The following ALG8 variants were observed in gnomAD, a reference collection of about 807,000 sequenced individuals.
ALG8 encodes dolichyl pyrophosphate Glc1Man9GlcNAc2 alpha-1,3-glucosyltransferase.
ALG8 carries 48 observed loss-of-function variants against 70.2 expected under a neutral mutation model. That is an observed-to-expected ratio of 0.68 (90% CI 0.54 to 0.87). The LOEUF (loss-of-function observed/expected upper bound fraction) is 0.87, where lower values mean the gene tolerates loss of function less well. Among genes scored for constraint, ALG8 ranks in the 40% least tolerant of loss-of-function variants. ALG8 has a pLI of 0.00. For synonymous variants in ALG8, 234 were observed against 229.0 expected (o/e 1.02, Z -0.20); for missense variants, 572 against 608.7 (o/e 0.94, Z 0.64).
chr11:78,125,872 T>G (rs1235456011), intron 2 of ALG8, among the ~76,000 whole-genome samples: 2 of 151,820 alleles, frequency 1.3e-5, no homozygotes, highest in Non-Finnish European at 2.9e-5. Context: ...CATCAAGAAA[T>G]TTCTGGGCCG....
At chr11:78,114,031 G>A (rs775945856) in intron 6 of ALG8, 42 bp from the exon 7 acceptor site, 169 of 1,526,298 alleles carry the variant, frequency 1.1e-4, no homozygotes, top group Non-Finnish European at 1.5e-4. Context: ...AAGATGGAAA[G>A]GAACATTAAC....
At chr11:78,110,418 C>G (rs1368601100) in intron 8 of ALG8, among the ~76,000 whole-genome samples, 1 of 152,152 alleles carries the variant, frequency 6.6e-6, no homozygotes, top group Non-Finnish European at 1.5e-5. Context: ...TCTCGAGCTC[C>G]TGACTTCAGG....
chr11:78,119,149 A>T, intron 5 of ALG8, 33 bp downstream of exon 5: 1 of 1,535,330 alleles, frequency 6.5e-7, no homozygotes, highest in Non-Finnish European at 9.0e-7. Flanking sequence ...CTAATCTAAA[A>T]GGGAAAAAAT....
In ALG8 at chr11:78,112,641, C is replaced by T. The variant is rs377616618; in HGVS notation, c.898+9G>A. On this transcript the variant is annotated intron_variant, in intron 8 of 12. Transcript: ENST00000299626. ...TCAGAGTCTGAGTAAAAAATGCTCG[C>T]TACCATACCGATGACAGACAGCACT... 17 of 1,613,482 alleles carry T rather than the reference C, an allele frequency of 1.1e-5. No individual in the cohort carries two copies. The highest frequency in any genetic ancestry group is 1.4e-5 in the Non-Finnish European group (17 of 1,179,584).
intron 8 of ALG8, among the ~76,000 whole-genome samples, chr11:78,111,413 T>C (rs1305202618): frequency 6.6e-6 from 1 of 152,212 alleles, no homozygotes; most frequent in Non-Finnish European, 1.5e-5. Flanking sequence ...TGAGGAAAGT[T>C]AGACGAAAGG....
Position 78,121,681 on chromosome 11 carries a change from C to A in ALG8, c.369-507G>T, listed in dbSNP as rs11237399. On this transcript the variant is annotated intron_variant, in intron 3 of 12. Transcript: ENST00000299626. ...TAACAAAATTAAAAATAAAAAGCCACGTAAACCCCAAAGTAAGGATTTTGA... is the reference window on the plus strand; with the variant it reads ...TAACAAAATTAAAAATAAAAAGCCAAGTAAACCCCAAAGTAAGGATTTTGA... Among the ~76,000 whole-genome samples, 401 of 152,012 alleles carry A rather than the reference C, an allele frequency of 2.6e-3. 2 individuals carry two copies. Among genetic ancestry groups the A allele is most frequent in the African/African-American group, 8.9e-3 (371 of 41,494 alleles).
At chr11:78,116,709 G>A (rs768066037) in intron 5 of ALG8, among the ~76,000 whole-genome samples, 1 of 152,058 alleles carries the variant, frequency 6.6e-6, no homozygotes, top group African/African-American at 2.4e-5. Context: ...GACACAGCAT[G>A]ACGTTGTCTT....
At chr11:78,104,219 T>G in intron 11 of ALG8, 137 bp downstream of exon 11, 1 of 986,456 alleles carries the variant, frequency 1.0e-6, no homozygotes, top group Non-Finnish European at 1.5e-6. Context: ...TACAGGAAAT[T>G]GGAGGTTTTA....
At chr11:78,136,477 C>A (rs955710366) in intron 1 of ALG8, among the ~76,000 whole-genome samples, 1 of 152,072 alleles carries the variant, frequency 6.6e-6, no homozygotes, top group African/African-American at 2.4e-5. Flanking sequence ...ATTAAGGCTG[C>A]AGTGAGCCAT....
chr11:78,126,308 A>C lies in ALG8; in HGVS notation c.174+1050T>G, dbSNP rs188626473. The stretch of plus-strand genomic sequence containing the variant: ...CAGTTTGGGAGGCCAAGGTGGGTGG[A>C]TCACCTGAGGTCCGGAGTTCGAGAC... On this transcript the variant is annotated intron_variant, in intron 2 of 12. Transcript: ENST00000299626. 1.7e-3 allele frequency among the ~76,000 whole-genome samples: 258 copies of C among 152,284 alleles called. 1 individual carries two copies. The highest frequency in any genetic ancestry group is 5.9e-3 in the African/African-American group (244 of 41,570).
chr11:78,123,905 T>C (rs893931223), intron 3 of ALG8, 116 bp downstream of exon 3: 1 of 1,157,256 alleles, frequency 8.6e-7, no homozygotes, highest in East Asian at 2.4e-5. Flanking sequence ...TTCATTGTTT[T>C]AGCATTTGCT....
intron 8 of ALG8, among the ~76,000 whole-genome samples, chr11:78,111,957 C>A (rs369566475): frequency 6.6e-6 from 1 of 152,062 alleles, no homozygotes; most frequent in Non-Finnish European, 1.5e-5. Context: ...ACATATTCTT[C>A]TTTCTTGTAT....
intron 9 of ALG8, among the ~76,000 whole-genome samples, chr11:78,108,283 AAAC>A (rs1480392759): frequency 3.3e-5 from 5 of 152,002 alleles, no homozygotes; most frequent in African/African-American, 1.2e-4. Flanking sequence ...CCGTCTCAAA[AAAC>A]AAAAACAAAA....
chr11:78,123,315 G>GAAAAAAAAAAAAAAAAAAAAAAA (rs1220218900), intron 3 of ALG8, among the ~76,000 whole-genome samples: 6 of 88,542 alleles, frequency 6.8e-5, no homozygotes, highest in Non-Finnish European at 9.8e-5. Context: ...GGAAAAAAAA[G>GAAAAAAAAAAAAAAAAAAAAAAA]AAAAAAAAAA....
At chr11:78,105,424 G>C (rs1164075892) in intron 10 of ALG8, among the ~76,000 whole-genome samples, 2 of 152,120 alleles carry the variant, frequency 1.3e-5, no homozygotes, top group Non-Finnish European at 2.9e-5. Flanking sequence ...AACATCATAA[G>C]ATTCAGGTCC....
chr11:78,138,608 G>C, intron 1 of ALG8: 1 of 420,420 alleles, frequency 2.4e-6, no homozygotes, highest in Non-Finnish European at 4.8e-6. Flanking sequence ...CCCTAAACTA[G>C]GAAGTGGGAG....
chr11:78,106,887 T>C lies in ALG8; in HGVS notation c.1098A>G (p.Leu366=). 6.2e-7 allele frequency: 1 copy of C among 1,614,120 alleles called. No individual in the cohort carries two copies. Among genetic ancestry groups the C allele is most frequent in the South Asian group, 1.1e-5 (1 of 91,088 alleles). Residue 366 remains leucine (L), a synonymous_variant, in exon 10 of 13, where the codon CTA becomes CTG. Transcript: ENST00000299626. ...PQGPRGFLRC[L]TLCALSSFMF... ...TAAAGGAGCTCAAGGCACAAAGAGT[T>C]AGACATCGGAGAAAGCCTCTGGGCC... is the stretch of plus-strand genomic sequence containing the variant.
At chr11:78,114,186 CCTT>C in intron 6 of ALG8, 77 bp downstream of exon 6, 1 of 1,583,214 alleles carries the variant, frequency 6.3e-7, no homozygotes, top group Non-Finnish European at 8.6e-7. Flanking sequence ...CTTCATAAAA[CCTT>C]CTTATCAAGC....
At chr11:78,123,270 T>C (rs1428669862) in intron 3 of ALG8, among the ~76,000 whole-genome samples, 1 of 124,980 alleles carries the variant, frequency 8.0e-6, no homozygotes, top group Non-Finnish European at 1.6e-5. Flanking sequence ...GCCACAATAC[T>C]CTAGCCTGGG....
Sources: allele counts gnomAD v4.1 joint callset (sites outside exome capture counted in the v4.1 genomes callset), GRCh38; gene constraint gnomAD v4.1.1; transcripts MANE v1.5; gene names NCBI Gene and HGNC (gene_info 2026-07-23, HGNC 2026-07-21).